TMPRSS12: variants seen among roughly 807,000 people sequenced by gnomAD.
TMPRSS12 encodes the protein transmembrane protease serine 12.
In TMPRSS12, 25 loss-of-function variants were observed where a neutral mutation model predicts 26.0. That is an observed-to-expected ratio of 0.96 (90% CI 0.70 to 1.34). The LOEUF is 1.34. TMPRSS12 is among the 40% of genes most tolerant of loss of function. The pLI is 0.00. For missense variants in TMPRSS12, 441 were observed against 440.1 expected (o/e 1.00, Z -0.02); for synonymous variants, 150 against 161.7 (o/e 0.93, Z 0.55).
intron 3 of TMPRSS12, among the ~76,000 whole-genome samples, chr12:50,868,822 T>A (rs911630984): frequency 6.6e-6 from 1 of 152,090 alleles, no homozygotes; most frequent in Admixed American, 6.5e-5. Flanking sequence ...TGGAATAAAA[T>A]TGGAAATCAA....
At chr12:50,871,927 T>TAAA (rs56139129) in intron 3 of TMPRSS12, among the ~76,000 whole-genome samples, 154 of 146,922 alleles carry the variant, frequency 1.0e-3, no homozygotes, top group East Asian at 4.3e-3. Flanking sequence ...ATCAAAAAAT[T>TAAA]AAAAAAAAAA....
chr12:50,878,646 A>C (rs1441626831), intron 3 of TMPRSS12, among the ~76,000 whole-genome samples: 1 of 152,228 alleles, frequency 6.6e-6, no homozygotes, highest in African/African-American at 2.4e-5. Flanking sequence ...GGGGGAAAAA[A>C]AACCTTATAT....
intron 3 of TMPRSS12, among the ~76,000 whole-genome samples, chr12:50,883,411 G>C (rs1938194576): frequency 6.6e-6 from 1 of 152,216 alleles, no homozygotes; most frequent in Non-Finnish European, 1.5e-5. Flanking sequence ...AAGTCAGCCA[G>C]CTGTGGTGGT....
chr12:50,855,608 G>A lies in TMPRSS12; in HGVS notation c.384-3177G>A, dbSNP rs751536915. ...GCAAATGCTTATACACTGCTGTTGGGAATGGAAATTAGTTCAGTCCCCGTG... is the reference window on the plus strand; with the variant it reads ...GCAAATGCTTATACACTGCTGTTGGAAATGGAAATTAGTTCAGTCCCCGTG... On this transcript the variant is annotated intron_variant, in intron 2 of 4. Coordinates refer to ENST00000398458, the MANE Select transcript of TMPRSS12 (RefSeq NM_182559.3). 1.4e-4 allele frequency among the ~76,000 whole-genome samples: 21 copies of A among 152,206 alleles called. 1 individual carries two copies.
intron 2 of TMPRSS12, among the ~76,000 whole-genome samples, chr12:50,852,899 C>T (rs1937839891): frequency 6.6e-6 from 1 of 152,224 alleles, no homozygotes. Context: ...TAACACCCCA[C>T]TGACAGTATT....
intron 3 of TMPRSS12, among the ~76,000 whole-genome samples, chr12:50,875,422 G>A (rs1174895437): frequency 2.1e-5 from 3 of 144,428 alleles, no homozygotes; most frequent in Non-Finnish European, 4.5e-5. Context: ...ACGTGGAAGG[G>A]GAGGTTGCAG....
At chr12:50,850,515 C>T (rs375512187) in intron 2 of TMPRSS12, among the ~76,000 whole-genome samples, 4 of 152,102 alleles carry the variant, frequency 2.6e-5, no homozygotes, top group African/African-American at 2.4e-5. Flanking sequence ...AGGGGGTTGA[C>T]GCTGCAGTGA....
intron 4 of TMPRSS12, chr12:50,885,718 C>A: frequency 3.7e-6 from 2 of 541,768 alleles, no homozygotes; most frequent in Admixed American, 7.2e-5. Context: ...TGCAGTGACA[C>A]AATCTCTGTT....
chr12:50,860,085 G>A (rs776506504), intron 3 of TMPRSS12, among the ~76,000 whole-genome samples: 10 of 152,298 alleles, frequency 6.6e-5, no homozygotes, highest in African/African-American at 9.6e-5. Context: ...ATACTTGAAC[G>A]TTAAGATAGA....
intron 3 of TMPRSS12, among the ~76,000 whole-genome samples, chr12:50,871,284 A>G (rs941033204): frequency 3.9e-5 from 6 of 152,222 alleles, no homozygotes; most frequent in Admixed American, 3.3e-4. Context: ...GAACCCAGAA[A>G]TAAACCCAAA....
intron 1 of TMPRSS12, among the ~76,000 whole-genome samples, 177 bp downstream of exon 1, chr12:50,843,328 A>G (rs1937732811): frequency 6.6e-6 from 1 of 152,214 alleles, no homozygotes; most frequent in African/African-American, 2.4e-5. Flanking sequence ...GTGAAATGAC[A>G]CATTTGTATT....
At chr12:50,883,112 T>C (rs1354321939) in intron 3 of TMPRSS12, among the ~76,000 whole-genome samples, 1 of 152,168 alleles carries the variant, frequency 6.6e-6, no homozygotes. Flanking sequence ...GAGGCTTGCT[T>C]GAGGCCAGGA....
rs911697748 is a variant in TMPRSS12 at position 50,881,370 on chromosome 12, TA to T, written c.653-3872del. 2.8e-4 allele frequency among the ~76,000 whole-genome samples: 43 copies of T among 152,260 alleles called. No homozygotes were observed. The Middle Eastern group carries it at 0.014, about 48-fold the overall frequency. ...ACTCTGTGAGGTGAAGGAAATACTC[TA>T]AAACTGGATTGTGGTGCTGGTGTAA... On this transcript the variant is annotated intron_variant, in intron 3 of 4. Coordinates refer to ENST00000398458, the MANE Select transcript of TMPRSS12 (RefSeq NM_182559.3).
chr12:50,872,864 C>CGTG (rs74805269), intron 3 of TMPRSS12, among the ~76,000 whole-genome samples: 1 of 12,252 alleles, frequency 8.2e-5, no homozygotes, highest in African/African-American at 2.2e-4. Flanking sequence ...ATATATATGA[C>CGTG]TATATATGTA....
intron 1 of TMPRSS12, among the ~76,000 whole-genome samples, 190 bp downstream of exon 1, chr12:50,843,341 G>GAA (rs1937733101): frequency 6.6e-6 from 1 of 152,160 alleles, no homozygotes; most frequent in Non-Finnish European, 1.5e-5. Flanking sequence ...TTTGTATTGT[G>GAA]AATCTGTATT....
In TMPRSS12 at chr12:50,843,905, C is replaced by A. The variant is rs1373398360; in HGVS notation, c.251C>A (p.Ala84Glu). 2.5e-6 allele frequency: 4 copies of A among 1,578,666 alleles called. No homozygotes were observed. The highest frequency in any genetic ancestry group is 1.2e-5 in the South Asian group (1 of 86,202). ...TCTCGGATTATAGGGGGCACCGAAGCACAAGCTGGCGCATGGCCGTGGGTG... is the reference window on the plus strand; with the variant it reads ...TCTCGGATTATAGGGGGCACCGAAGAACAAGCTGGCGCATGGCCGTGGGTG... ...QGSRIIGGTE[A>E]QAGAWPWVVS... The change falls in exon 2 of 5, where the codon GCA becomes GAA. Residue 84 changes from alanine to glutamate, a missense_variant. Coordinates refer to ENST00000398458, the MANE Select transcript of TMPRSS12 (RefSeq NM_182559.3).
intron 3 of TMPRSS12, among the ~76,000 whole-genome samples, chr12:50,876,448 A>C (rs527480589): frequency 2.0e-5 from 3 of 152,196 alleles, no homozygotes; most frequent in Non-Finnish European, 2.9e-5. Context: ...ATGCACTCCT[A>C]TGTTCATCGC....
Position 50,843,015 on chromosome 12 carries a change from C to T in TMPRSS12, c.51C>T (p.His17=). 6.2e-7 allele frequency: 1 copy of T among 1,607,664 alleles called. No individual in the cohort carries two copies. Among genetic ancestry groups the T allele is most frequent in the East Asian group, 2.2e-5 (1 of 44,668 alleles). Residue 17 remains histidine (H), a synonymous_variant, in exon 1 of 5, where the codon CAC becomes CAT. Transcript: ENST00000398458. ...SVALLFVGSS[H]LYSDHYSPSG... ...CGCTGTTGTTTGTGGGGAGCTCTCA[C>T]TTATACTCAGACCACTACTCGCCCT...
chr12:50,849,658 G>A (rs975458187), intron 2 of TMPRSS12, among the ~76,000 whole-genome samples: 2 of 151,438 alleles, frequency 1.3e-5, no homozygotes, highest in East Asian at 3.9e-4. Flanking sequence ...AGCTTGGCTT[G>A]TTTACCTAGC....
Sources: gnomAD v4.1 joint callset for allele counts (sites outside exome capture counted in the v4.1 genomes callset) on GRCh38, gnomAD v4.1.1 for gene constraint, MANE v1.5 for transcripts, NCBI Gene and HGNC (gene_info 2026-07-23, HGNC 2026-07-21) for gene names.